ACAD11: variants seen among roughly 807,000 people sequenced by gnomAD.
ACAD11 encodes acyl-CoA dehydrogenase family member 11, also known as acyl-Coenzyme A dehydrogenase family, member 11.
Under a neutral mutation model 102.2 loss-of-function variants are expected in ACAD11, and 83 were observed. That is an observed-to-expected ratio of 0.81 (90% CI 0.68 to 0.97). The LOEUF (loss-of-function observed/expected upper bound fraction) is 0.97. Ranked by LOEUF, ACAD11 falls within the 50% of genes least tolerant of loss-of-function variation. ACAD11 has a pLI of 0.00. For missense variants in ACAD11, 901 were observed against 951.7 expected (o/e 0.95, Z 0.70); for synonymous variants, 324 against 319.8 (o/e 1.01, Z -0.14).
intron 13 of ACAD11, among the ~76,000 whole-genome samples, chr3:132,592,215 A>C (rs1043364418): frequency 6.6e-6 from 1 of 152,126 alleles, no homozygotes; most frequent in African/African-American, 2.4e-5. Flanking sequence ...TACAAGCAGA[A>C]TTTGGCAAGT....
intron 17 of ACAD11, among the ~76,000 whole-genome samples, chr3:132,571,365 ATTTG>A (rs1376598087): frequency 3.5e-5 from 5 of 144,194 alleles, no homozygotes; most frequent in South Asian, 2.2e-4. Context: ...TTTTTTGTAA[ATTTG>A]TTTAAGTTCC....
chr3:132,597,677 G>A (rs775384273), intron 13 of ACAD11, among the ~76,000 whole-genome samples: 64 of 151,538 alleles, frequency 4.2e-4, no homozygotes, highest in Non-Finnish European at 7.1e-4. Flanking sequence ...TATATCTGCC[G>A]GAAGGATCAT....
At chr3:132,582,908 C>T (rs763080842) in intron 13 of ACAD11, among the ~76,000 whole-genome samples, 13 of 152,118 alleles carry the variant, frequency 8.5e-5, no homozygotes, top group African/African-American at 2.2e-4. Context: ...ATTTTATATA[C>T]GACTAAAAAG....
At chr3:132,610,021 CA>C (rs1476324227) in intron 11 of ACAD11, among the ~76,000 whole-genome samples, 1 of 152,128 alleles carries the variant, frequency 6.6e-6, no homozygotes. Context: ...GAACCAATGA[CA>C]AAAACCACAT....
chr3:132,639,708 T>A (rs1236865367), intron 4 of ACAD11, 52 bp from the exon 5 acceptor site: 6 of 1,522,654 alleles, frequency 3.9e-6, no homozygotes, highest in Non-Finnish European at 5.3e-6. Flanking sequence ...GAATGTAGGA[T>A]CTAGCAATTC....
In ACAD11 at chr3:132,641,560, TGAAGAAGAA is replaced by T. The variant is rs370839030; in HGVS notation, c.537+403_537+411del. The stretch of plus-strand genomic sequence containing the variant: ...CTCTGTCTCAAAATGATGATGATGA[TGAAGAAGAA>T]GAAGAAGAAGAAGAAGAAGAAGAAG... On this transcript the variant is annotated intron_variant, in intron 4 of 19. Transcript: ENST00000264990. Among the ~76,000 whole-genome samples the T allele has an allele frequency of 9.0e-3, 893 of 99,408 alleles. 13 individuals are homozygous for T. Among genetic ancestry groups the T allele is most frequent in the African/African-American group, 0.022 (435 of 19,846 alleles). 65.2% of individuals were successfully genotyped at this position (99,408 alleles called of 152,430 possible).
intron 4 of ACAD11, among the ~76,000 whole-genome samples, chr3:132,641,600 GAA>G (rs1559973757): frequency 6.0e-5 from 9 of 148,774 alleles, no homozygotes; most frequent in East Asian, 2.1e-4. Context: ...AGAAGAAGAA[GAA>G]GAGGAGGAAG....
chr3:132,581,651 A>G (rs1301616188), intron 13 of ACAD11, among the ~76,000 whole-genome samples: 2 of 152,050 alleles, frequency 1.3e-5, no homozygotes, highest in Admixed American at 1.3e-4. Context: ...TAGAAACTCC[A>G]GGAAAATAAT....
chr3:132,622,266 A>T (rs7629689), intron 9 of ACAD11, among the ~76,000 whole-genome samples: 87,138 of 152,038 alleles, frequency 0.57, 28,533 homozygotes, highest in East Asian at 0.9. Context: ...AGAGTATTGC[A>T]GTATTTAATG....
chr3:132,636,900 A>C (rs1259042596), intron 5 of ACAD11, among the ~76,000 whole-genome samples: 1 of 152,172 alleles, frequency 6.6e-6, no homozygotes, highest in African/African-American at 2.4e-5. Flanking sequence ...AGAAGACAAG[A>C]CCACATGCTG....
intron 15 of ACAD11, 73 bp from the exon 16 acceptor site, chr3:132,577,088 A>G (rs1403529522): frequency 8.1e-6 from 7 of 868,188 alleles, no homozygotes; most frequent in African/African-American, 1.7e-5. Flanking sequence ...TAATCTGCTG[A>G]AATATAATTA....
chr3:132,568,494 C>G (rs888386839), intron 17 of ACAD11, among the ~76,000 whole-genome samples: 2 of 152,026 alleles, frequency 1.3e-5, no homozygotes, highest in Non-Finnish European at 2.9e-5. Flanking sequence ...CAGATATAGA[C>G]AAGATTATTT....
At chr3:132,620,002 C>T (rs962284817) in intron 9 of ACAD11, among the ~76,000 whole-genome samples, 1 of 152,168 alleles carries the variant, frequency 6.6e-6, no homozygotes. Flanking sequence ...TCTATGTTAG[C>T]CCTGTTACAC....
chr3:132,647,973 T>C (rs2107895078), intron 1 of ACAD11, among the ~76,000 whole-genome samples: 1 of 152,218 alleles, frequency 6.6e-6, no homozygotes, highest in African/African-American at 2.4e-5. Context: ...ACTAATCCCA[T>C]TCTTGAGGTC....
intron 5 of ACAD11, among the ~76,000 whole-genome samples, chr3:132,632,216 T>C (rs1940075438): frequency 1.3e-5 from 2 of 152,066 alleles, no homozygotes; most frequent in Admixed American, 1.3e-4. Context: ...CCCGAATAGC[T>C]GGGACTACAG....
At chr3:132,600,360 A>G (rs1452237453) in intron 13 of ACAD11, 2 of 1,506,808 alleles carry the variant, frequency 1.3e-6, no homozygotes, top group Non-Finnish European at 1.8e-6. Context: ...TTAGACAAAT[A>G]TCTATCCTGT....
chr3:132,593,148 A>C (rs1938151573), intron 13 of ACAD11, among the ~76,000 whole-genome samples: 1 of 152,096 alleles, frequency 6.6e-6, no homozygotes, highest in Non-Finnish European at 1.5e-5. Flanking sequence ...AATCAAAATC[A>C]GACAAAGATC....
chr3:132,640,221 C>G lies in ACAD11; in HGVS notation c.538-565G>C, dbSNP rs1576614713. 4.6e-5 allele frequency among the ~76,000 whole-genome samples: 7 copies of G among 151,942 alleles called. No individual in the cohort carries two copies. The South Asian group carries it at 1.5e-3, about 32-fold the overall frequency. ...TCTCCTGCCTCAGCCTCCTAAGTAG[C>G]TGGGATTACAGATGCATACCACCAC... On this transcript the variant is annotated intron_variant, in intron 4 of 19. Coordinates refer to ENST00000264990, the MANE Select transcript of ACAD11 (RefSeq NM_032169.5).
rs566472664 is a variant in ACAD11, at chr3:132,632,048, C to G, written c.703-569G>C. 2.6e-5 allele frequency among the ~76,000 whole-genome samples: 4 copies of G among 151,844 alleles called. No individual in the cohort carries two copies. In the South Asian group the frequency reaches 8.3e-4, roughly 32 times the overall value. On this transcript the variant is annotated intron_variant, in intron 5 of 19. Coordinates refer to ENST00000264990, the MANE Select transcript of ACAD11 (RefSeq NM_032169.5). ...AAACAGAAAGCTTCCCTCATTCTAC[C>G]TTGTAACAGTATGTATCAAGGGAAT...
Sources: gnomAD v4.1 joint callset for allele counts (sites outside exome capture counted in the v4.1 genomes callset) on GRCh38, gnomAD v4.1.1 for gene constraint, MANE v1.5 for transcripts, NCBI Gene and HGNC (gene_info 2026-07-23, HGNC 2026-07-21) for gene names.